Variants in TMEM132B observed in about 807,000 individuals in gnomAD.
TMEM132B encodes transmembrane protein 132B.
In TMEM132B, 18 loss-of-function variants were observed where a neutral mutation model predicts 90.8. That is an observed-to-expected ratio of 0.20 (90% CI 0.14 to 0.29). The LOEUF (loss-of-function observed/expected upper bound fraction) is 0.29. Ranked by LOEUF, TMEM132B falls within the 10% of genes least tolerant of loss-of-function variation. The pLI, the probability that TMEM132B is intolerant of heterozygous loss-of-function variation, is 1.00. For missense variants in TMEM132B, 1,096 were observed against 1,326.8 expected, an observed-to-expected ratio of 0.83 and a Z score of 2.70; for synonymous variants, 504 against 523.3, an observed-to-expected ratio of 0.96 and a Z score of 0.50.
At chr12:125,207,876 T>A (rs185379306) in intron 1 of TMEM132B, among the ~76,000 whole-genome samples, 1 of 152,406 alleles carries the variant, frequency 6.6e-6, no homozygotes, top group Non-Finnish European at 1.5e-5. Context: ...TTCACTCATG[T>A]GTAGCATGTG....
chr12:125,504,491 G>A (rs142900615), intron 3 of TMEM132B, among the ~76,000 whole-genome samples: 2 of 151,988 alleles, frequency 1.3e-5, no homozygotes, highest in Non-Finnish European at 2.9e-5. Flanking sequence ...AGAGAACGCT[G>A]GTTGTCATTT....
chr12:125,517,819 C>A (rs1883207268), intron 3 of TMEM132B, among the ~76,000 whole-genome samples: 1 of 152,204 alleles, frequency 6.6e-6, no homozygotes, highest in Admixed American at 6.5e-5. Context: ...GCATGAATGT[C>A]TTTCCCAGGG....
At chr12:125,290,604 G>T (rs1188013146) in intron 1 of TMEM132B, among the ~76,000 whole-genome samples, 1 of 152,188 alleles carries the variant, frequency 6.6e-6, no homozygotes, top group Non-Finnish European at 1.5e-5. Flanking sequence ...TGCCACGTTG[G>T]TGGGACTCAT....
In TMEM132B at chr12:125,620,191, G is replaced by A. The variant is rs564771262; in HGVS notation, c.1438-23885G>A. 3.3e-5 allele frequency among the ~76,000 whole-genome samples: 5 copies of A among 152,330 alleles called. No homozygotes were observed. In the East Asian group the frequency reaches 5.8e-4, roughly 18 times the overall value. On this transcript the variant is annotated intron_variant, in intron 5 of 8. Coordinates refer to ENST00000682704, the MANE Select transcript of TMEM132B (RefSeq NM_001366854.1). ...ACACGGCACATGTGCCACTGGGGAT[G>A]TATCAAATGAGGCTTGGTGGCACAT...
intron 1 of TMEM132B, among the ~76,000 whole-genome samples, chr12:125,315,726 C>T (rs1467502998): frequency 6.6e-6 from 1 of 152,118 alleles, no homozygotes; most frequent in Non-Finnish European, 1.5e-5. Context: ...GTGTCACTTG[C>T]CTGTTGGTGG....
intron 1 of TMEM132B, among the ~76,000 whole-genome samples, chr12:125,200,979 C>T (rs1288358909): frequency 6.6e-6 from 1 of 152,208 alleles, no homozygotes; most frequent in Admixed American, 6.5e-5. Context: ...GTTCTCTGGT[C>T]TATGCCTCTG....
At chr12:125,485,090 G>A (rs1011311359) in intron 3 of TMEM132B, among the ~76,000 whole-genome samples, 3 of 152,066 alleles carry the variant, frequency 2.0e-5, no homozygotes, top group Non-Finnish European at 4.4e-5. Flanking sequence ...TCACAAGACT[G>A]TTTTTACTAA....
At chr12:125,456,038 C>T (rs1201108458) in intron 3 of TMEM132B, among the ~76,000 whole-genome samples, 1 of 152,172 alleles carries the variant, frequency 6.6e-6, no homozygotes, top group Non-Finnish European at 1.5e-5. Flanking sequence ...ATGAGCGTGG[C>T]TGTGTTTAAT....
At chr12:125,305,133 C>A (rs1875926708) in intron 1 of TMEM132B, among the ~76,000 whole-genome samples, 1 of 152,046 alleles carries the variant, frequency 6.6e-6, no homozygotes, top group Non-Finnish European at 1.5e-5. Context: ...TGAAGCCTTA[C>A]AAATATCAGT....
intron 1 of TMEM132B, among the ~76,000 whole-genome samples, chr12:125,206,001 G>A (rs996142017): frequency 3.9e-5 from 6 of 152,184 alleles, no homozygotes; most frequent in Non-Finnish European, 8.8e-5. Flanking sequence ...TCTGGGGAGT[G>A]GTGGGGTGGG....
At chr12:125,652,734 C>T (rs1041653684) in intron 8 of TMEM132B, 102 bp downstream of exon 8, 6 of 1,343,844 alleles carry the variant, frequency 4.5e-6, no homozygotes, top group South Asian at 3.1e-5. Flanking sequence ...ACGCCTAGGA[C>T]TGGGGATTCT....
At chr12:125,538,560 A>G (rs935396437) in intron 4 of TMEM132B, among the ~76,000 whole-genome samples, 1 of 152,202 alleles carries the variant, frequency 6.6e-6, no homozygotes, top group Non-Finnish European at 1.5e-5. Flanking sequence ...GAAACTTTCT[A>G]TTCCTCATCC....
intron 1 of TMEM132B, among the ~76,000 whole-genome samples, chr12:125,256,732 A>C (rs552706873): frequency 1.0e-3 from 158 of 152,318 alleles, no homozygotes; most frequent in Non-Finnish European, 2.0e-3. Flanking sequence ...CAAAAACCGC[A>C]ATTACTTTTG....
chr12:125,434,753 C>A (rs139906359), intron 3 of TMEM132B, among the ~76,000 whole-genome samples: 1 of 152,228 alleles, frequency 6.6e-6, no homozygotes, highest in African/African-American at 2.4e-5. Context: ...TTTCACCATC[C>A]TGTCTGCCTT....
intron 3 of TMEM132B, among the ~76,000 whole-genome samples, chr12:125,517,100 G>A (rs1009776934): frequency 2.6e-5 from 4 of 151,972 alleles, no homozygotes; most frequent in Non-Finnish European, 4.4e-5. Flanking sequence ...GGGGTCCCAT[G>A]TGTGCACACT....
At chr12:125,404,991 G>A (rs2136327271) in intron 2 of TMEM132B, among the ~76,000 whole-genome samples, 1 of 152,240 alleles carries the variant, frequency 6.6e-6, no homozygotes, top group Admixed American at 6.5e-5. Context: ...CACACCTGTA[G>A]CACTCCGTCT....
chr12:125,659,711 A>T lies in TMEM132B; in HGVS notation c.*5001A>T, dbSNP rs564302346. The T allele has an allele frequency of 6.6e-6, 1 of 152,280 alleles. No individual in the cohort carries two copies. The highest frequency in any genetic ancestry group is 2.1e-4 in the South Asian group (1 of 4,820). The allele number at this position is 152,280 out of a possible 1,614,324, so 9.4% of individuals were successfully genotyped here. A position where few individuals can be genotyped will look rare whatever the true frequency, so the allele number is the denominator to read the frequency against. Reference sequence around the variant, plus strand: ...GGGATGCCTCTTTGGCGATAATTTGACGTGTCATAATAAATGCCCAATACC... The same window carrying T: ...GGGATGCCTCTTTGGCGATAATTTGTCGTGTCATAATAAATGCCCAATACC... On this transcript the variant is annotated 3_prime_UTR_variant, in exon 9 of 9. Coordinates refer to ENST00000682704, the MANE Select transcript of TMEM132B (RefSeq NM_001366854.1).
chr12:125,579,559 A>G (rs1184401436), intron 4 of TMEM132B, among the ~76,000 whole-genome samples: 1 of 151,772 alleles, frequency 6.6e-6, no homozygotes, highest in Non-Finnish European at 1.5e-5. Flanking sequence ...AGGTGGGGTT[A>G]CACCATGTTG....
chr12:125,255,573 A>T (rs773567374), intron 1 of TMEM132B, among the ~76,000 whole-genome samples: 1 of 152,122 alleles, frequency 6.6e-6, no homozygotes, highest in Non-Finnish European at 1.5e-5. Context: ...ATATTAAAGG[A>T]TCTTTTCTTG....
Sources: gnomAD v4.1 joint callset for allele counts (sites outside exome capture counted in the v4.1 genomes callset) on GRCh38, gnomAD v4.1.1 for gene constraint, MANE v1.5 for transcripts, NCBI Gene and HGNC (gene_info 2026-07-23, HGNC 2026-07-21) for gene names.